The following EPHA6 variants were observed in gnomAD, a reference collection of about 807,000 sequenced individuals.
EPHA6 encodes ephrin type-A receptor 6.
EPHA6 carries 50 observed loss-of-function variants against 112.0 expected under a neutral mutation model. The observed-to-expected ratio is 0.45, with a 90% CI of 0.36 to 0.56. The LOEUF (loss-of-function observed/expected upper bound fraction) is 0.56. Ranked by LOEUF, EPHA6 falls within the 20% of genes least tolerant of loss-of-function variation. The pLI, the probability that EPHA6 is intolerant of heterozygous loss-of-function variation, is 0.00. For synonymous variants in EPHA6, 529 were observed against 490.7 expected (o/e 1.08, Z -1.03); for missense variants, 1,280 against 1,417.4 (o/e 0.90, Z 1.56).
At chr3:97,345,031 C>G (rs1206844505) in intron 5 of EPHA6, among the ~76,000 whole-genome samples, 2 of 150,022 alleles carry the variant, frequency 1.3e-5, no homozygotes, top group East Asian at 3.9e-4. Context: ...CTTAACTTCA[C>G]AGAAGTCAAA....
At chr3:96,855,346 A>G (rs930717964) in intron 1 of EPHA6, among the ~76,000 whole-genome samples, 2 of 152,164 alleles carry the variant, frequency 1.3e-5, no homozygotes, top group East Asian at 1.9e-4. Flanking sequence ...GATATGGACA[A>G]CCTGGGAGAC....
At chr3:96,981,855 G>A (rs1249421245) in intron 2 of EPHA6, among the ~76,000 whole-genome samples, 1 of 152,138 alleles carries the variant, frequency 6.6e-6, no homozygotes, top group African/African-American at 2.4e-5. Flanking sequence ...GGTGTTTATA[G>A]TATTCTCTGA....
At chr3:96,902,870 T>C (rs2038695097) in intron 2 of EPHA6, among the ~76,000 whole-genome samples, 1 of 152,156 alleles carries the variant, frequency 6.6e-6, no homozygotes, top group African/African-American at 2.4e-5. Context: ...ATATATTGAG[T>C]ATTTACAGTG....
intron 10 of EPHA6, among the ~76,000 whole-genome samples, chr3:97,490,552 G>A (rs2107520772): frequency 6.6e-6 from 1 of 152,052 alleles, no homozygotes; most frequent in South Asian, 2.1e-4. Context: ...GTGAAATGAA[G>A]GAAATTTGAT....
chr3:97,594,815 C>T (rs895638111), intron 12 of EPHA6, among the ~76,000 whole-genome samples: 4 of 152,302 alleles, frequency 2.6e-5, no homozygotes, highest in Non-Finnish European at 4.4e-5. Context: ...TCTCCCATGG[C>T]CCATACTATG....
At chr3:96,892,474 C>T (rs1046700916) in intron 2 of EPHA6, among the ~76,000 whole-genome samples, 1 of 152,082 alleles carries the variant, frequency 6.6e-6, no homozygotes, top group Admixed American at 6.5e-5. Context: ...CCACCTGCCT[C>T]AGCCCCCAAA....
chr3:96,937,458 G>GTT (rs573380544), intron 2 of EPHA6, among the ~76,000 whole-genome samples: 1 of 151,740 alleles, frequency 6.6e-6, no homozygotes, highest in African/African-American at 2.4e-5. Flanking sequence ...GGGGTTGTTT[G>GTT]TTTTTTCTTG....
chr3:97,559,631 G>T (rs1362028199), intron 11 of EPHA6: 4 of 455,228 alleles, frequency 8.8e-6, no homozygotes, highest in Non-Finnish European at 1.8e-5. Flanking sequence ...GGGCAAAAGG[G>T]GAAGCAGGCT....
chr3:97,152,389 A>T (rs1474470823), intron 3 of EPHA6, among the ~76,000 whole-genome samples: 1 of 150,708 alleles, frequency 6.6e-6, no homozygotes, highest in East Asian at 1.9e-4. Context: ...AAAGTTGATG[A>T]CAGTAAAACC....
intron 2 of EPHA6, among the ~76,000 whole-genome samples, chr3:96,903,363 G>A (rs536320160): frequency 1.7e-4 from 26 of 152,210 alleles, no homozygotes; most frequent in South Asian, 4.1e-4. Context: ...TCTTATGTGC[G>A]ATTTTGTCTA....
At chr3:97,194,259 G>A (rs1038305624) in intron 3 of EPHA6, among the ~76,000 whole-genome samples, 5 of 151,104 alleles carry the variant, frequency 3.3e-5, no homozygotes, top group Non-Finnish European at 7.4e-5. Context: ...GTTGAAATAT[G>A]TTTTGTTTTC....
At chr3:97,000,287 A>ACACACACATATATATATAGC (rs138184966) in intron 3 of EPHA6, among the ~76,000 whole-genome samples, 6 of 147,200 alleles carry the variant, frequency 4.1e-5, no homozygotes, top group South Asian at 4.2e-4. Flanking sequence ...ACACACACAC[A>ACACACACATATATATATAGC]CACACATATA....
chr3:96,980,853 T>C (rs2042738763), intron 2 of EPHA6, among the ~76,000 whole-genome samples: 4 of 152,216 alleles, frequency 2.6e-5, no homozygotes. Context: ...TCTGTGTTTT[T>C]CTGTTATTGG....
intron 3 of EPHA6, among the ~76,000 whole-genome samples, chr3:97,003,253 G>T (rs373736699): frequency 1.3e-5 from 2 of 152,018 alleles, no homozygotes; most frequent in African/African-American, 2.4e-5. Flanking sequence ...GATTACAGGC[G>T]CACACCACCA....
At chr3:96,994,334 A>G (rs960678181) in intron 3 of EPHA6, 3 of 241,180 alleles carry the variant, frequency 1.2e-5, no homozygotes, top group African/African-American at 6.6e-5. Flanking sequence ...GTCATATTGG[A>G]CATGTTGATG....
At chr3:97,602,696 A>G (rs2093652317) in intron 12 of EPHA6, among the ~76,000 whole-genome samples, 1 of 152,114 alleles carries the variant, frequency 6.6e-6, no homozygotes, top group Non-Finnish European at 1.5e-5. Context: ...AAACATGTAA[A>G]GCTCATAGAA....
chr3:97,150,811 C>A (rs1416672230), intron 3 of EPHA6, among the ~76,000 whole-genome samples: 1 of 152,054 alleles, frequency 6.6e-6, no homozygotes, highest in Non-Finnish European at 1.5e-5. Context: ...CCTCTAATTT[C>A]TAATCTCTTT....
chr3:97,160,472 G>T (rs2076389056), intron 3 of EPHA6, among the ~76,000 whole-genome samples: 1 of 151,736 alleles, frequency 6.6e-6, no homozygotes, highest in Admixed American at 6.6e-5. Context: ...TAGAGACAGG[G>T]TTTCATCATG....
intron 3 of EPHA6, among the ~76,000 whole-genome samples, chr3:97,203,814 T>C (rs2077641538): frequency 6.6e-6 from 1 of 152,156 alleles, no homozygotes; most frequent in Non-Finnish European, 1.5e-5. Flanking sequence ...TAGTCACTAA[T>C]AGCTTAAAAT....
Sources: allele counts gnomAD v4.1 joint callset (sites outside exome capture counted in the v4.1 genomes callset), GRCh38; gene constraint gnomAD v4.1.1; transcripts MANE v1.5; gene names NCBI Gene and HGNC (gene_info 2026-07-23, HGNC 2026-07-21).